INSR: variants seen among roughly 807,000 people sequenced by gnomAD.
INSR encodes the protein insulin receptor, also known as IR.
Under a neutral mutation model 142.6 loss-of-function variants are expected in INSR, and 67 were observed. That is an observed-to-expected ratio of 0.47 (90% confidence interval 0.39 to 0.58). The LOEUF is 0.58. Among genes scored for constraint, INSR ranks in the 20% least tolerant of loss-of-function variants. INSR has a pLI of 0.00. For missense variants in INSR, 1,248 were observed against 1,833.2 expected, an observed-to-expected ratio of 0.68 and a Z score of 5.83; for synonymous variants, 756 against 743.1, an observed-to-expected ratio of 1.02 and a Z score of -0.28.
chr19:7,191,127 T>C (rs901794975), intron 2 of INSR, among the ~76,000 whole-genome samples: 43 of 152,084 alleles, frequency 2.8e-4, no homozygotes, highest in African/African-American at 9.2e-4. Flanking sequence ...TGAAACCCCA[T>C]CTCTACTAAA....
chr19:7,255,733 A>G (rs1976868560), intron 2 of INSR, among the ~76,000 whole-genome samples: 1 of 151,906 alleles, frequency 6.6e-6, no homozygotes, highest in Admixed American at 6.6e-5. Flanking sequence ...ACACAGCACC[A>G]TGCTTGGCTA....
chr19:7,158,345 C>G (rs964891724), intron 9 of INSR, among the ~76,000 whole-genome samples: 1 of 151,720 alleles, frequency 6.6e-6, no homozygotes, highest in Non-Finnish European at 1.5e-5. Flanking sequence ...CTAAAAAATA[C>G]AAAAAATTAG....
chr19:7,188,728 G>C (rs1456373480), intron 2 of INSR, among the ~76,000 whole-genome samples: 1 of 151,904 alleles, frequency 6.6e-6, no homozygotes, highest in Non-Finnish European at 1.5e-5. Context: ...ACAAAAATTA[G>C]TCGGGTGTGG....
At chr19:7,200,851 C>A (rs1340218774) in intron 2 of INSR, among the ~76,000 whole-genome samples, 4 of 126,166 alleles carry the variant, frequency 3.2e-5, no homozygotes, top group Non-Finnish European at 6.3e-5. Flanking sequence ...CAGAGTGAGA[C>A]CTTATCTCAA....
chr19:7,163,948 A>AAAAAAAAAAAAAAAAAAAAAAAT (rs1411048837), intron 8 of INSR, among the ~76,000 whole-genome samples: 62 of 136,022 alleles, frequency 4.6e-4, no homozygotes, highest in African/African-American at 1.8e-3. Flanking sequence ...AAAAAAAAAA[A>AAAAAAAAAAAAAAAAAAAAAAAT]ATTAGCTGGA....
chr19:7,178,282 G>A (rs1417979866), intron 3 of INSR, among the ~76,000 whole-genome samples: 1 of 148,410 alleles, frequency 6.7e-6, no homozygotes, highest in African/African-American at 2.5e-5. Flanking sequence ...GGTGGGGGGC[G>A]GTCACCAGAA....
chr19:7,142,696 C>T (rs1332245594), intron 12 of INSR, 120 bp downstream of exon 12: 1 of 1,269,954 alleles, frequency 7.9e-7, no homozygotes, highest in Non-Finnish European at 1.1e-6. Context: ...CCGTCTCAAA[C>T]AAAAATGAAG....
intron 2 of INSR, among the ~76,000 whole-genome samples, chr19:7,261,188 G>A (rs1377503668): frequency 6.6e-6 from 1 of 151,816 alleles, no homozygotes; most frequent in East Asian, 1.9e-4. Context: ...GCGTCCAGCT[G>A]GCTGAACTAA....
chr19:7,164,406 G>A (rs1052227224), intron 8 of INSR, among the ~76,000 whole-genome samples: 6 of 152,002 alleles, frequency 3.9e-5, no homozygotes, highest in African/African-American at 7.2e-5. Context: ...TAATTAGGCC[G>A]GGCCCAGTGG....
chr19:7,158,369 CG>C (rs1568454513), intron 9 of INSR, among the ~76,000 whole-genome samples: 3 of 151,996 alleles, frequency 2.0e-5, no homozygotes, highest in East Asian at 3.9e-4. Flanking sequence ...GGCGTGGTGG[CG>C]GGCGCCTGTA....
chr19:7,253,562 C>A (rs181928591), intron 2 of INSR, among the ~76,000 whole-genome samples: 2 of 152,236 alleles, frequency 1.3e-5, no homozygotes, highest in East Asian at 3.9e-4. Flanking sequence ...CATGCTAAGT[C>A]CAGTGTGTTG....
chr19:7,258,598 G>T (rs73003903), intron 2 of INSR, among the ~76,000 whole-genome samples: 8,159 of 149,022 alleles, frequency 0.055, 899 homozygotes, highest in Non-Finnish European at 0.078. Flanking sequence ...TCCTAGCCAT[G>T]CCTCAGTTCC....
intron 14 of INSR, among the ~76,000 whole-genome samples, 179 bp from the exon 15 acceptor site, chr19:7,129,133 A>G (rs951791761): frequency 1.3e-5 from 2 of 152,012 alleles, no homozygotes; most frequent in Non-Finnish European, 2.9e-5. Context: ...ACAGTCCCGT[A>G]GGTGCAGTGG....
At position 7,160,725 on chromosome 19, in the gene INSR, C is replaced by T. The variant is rs191407506; in HGVS notation, c.2029+2307G>A. Among the ~76,000 whole-genome samples the T allele has an allele frequency of 1.0e-3, 155 of 151,806 alleles. 1 individual carries two copies. Among genetic ancestry groups the T allele is most frequent in the Middle Eastern group, 6.8e-3 (2 of 292 alleles). The stretch of plus-strand genomic sequence containing the variant: ...TGTTAAAATAATTTTAGGCTGGGCG[C>T]GGTGGCTCACGCCTGTAATCCCAGC... On this transcript the variant is annotated intron_variant, in intron 9 of 21. Transcript: ENST00000302850.
chr19:7,274,975 C>CT (rs546377927), intron 1 of INSR, among the ~76,000 whole-genome samples: 41,137 of 143,344 alleles, frequency 0.29, 6,846 homozygotes, highest in African/African-American at 0.49. Flanking sequence ...TTAGACAGCA[C>CT]TTTTTTTTTT....
chr19:7,135,361 G>C (rs962659027), intron 13 of INSR, among the ~76,000 whole-genome samples: 3 of 128,080 alleles, frequency 2.3e-5, no homozygotes, highest in Admixed American at 9.2e-5. Flanking sequence ...TGTCACCCAG[G>C]CTGGAGTGCA....
At chr19:7,207,043 C>T (rs1007647328) in intron 2 of INSR, among the ~76,000 whole-genome samples, 2 of 152,144 alleles carry the variant, frequency 1.3e-5, no homozygotes, top group African/African-American at 4.8e-5. Context: ...GAGCATTACT[C>T]TCTGAGGCCT....
intron 2 of INSR, among the ~76,000 whole-genome samples, chr19:7,250,601 AGGAG>A (rs752438952): frequency 6.0e-4 from 38 of 63,482 alleles, no homozygotes; most frequent in South Asian, 1.2e-3. Context: ...AAGGAAGGAG[AGGAG>A]GGAGGGAGGG....
chr19:7,233,065 C>T (rs565783394), intron 2 of INSR, among the ~76,000 whole-genome samples: 122 of 152,194 alleles, frequency 8.0e-4, no homozygotes, highest in Non-Finnish European at 1.5e-3. Flanking sequence ...GCCATCTCGG[C>T]TCACTGCAAC....
Sources: allele counts gnomAD v4.1 joint callset (sites outside exome capture counted in the v4.1 genomes callset), GRCh38; gene constraint gnomAD v4.1.1; transcripts MANE v1.5; gene names NCBI Gene and HGNC (gene_info 2026-07-23, HGNC 2026-07-21).